The following MOB4 variants were observed in gnomAD, a reference collection of about 807,000 sequenced individuals.
MOB4 encodes MOB-like protein phocein.
Under a neutral mutation model 32.2 loss-of-function variants are expected in MOB4, and 4 were observed. That is an observed-to-expected ratio of 0.12 (90% CI 0.06 to 0.28). The LOEUF (loss-of-function observed/expected upper bound fraction) is 0.28. Among genes scored for constraint, MOB4 ranks in the 10% least tolerant of loss-of-function variants. The pLI, the probability that MOB4 is intolerant of heterozygous loss-of-function variation, is 1.00. For synonymous variants in MOB4, 88 were observed against 88.1 expected (o/e 1.00, Z 0.01); for missense variants, 158 against 271.2 (o/e 0.58, Z 2.93).
At chr2:197,515,852 C>T (rs1174599252), upstream of MOB4, 2 of 539,324 alleles carry the variant, frequency 3.7e-6, no homozygotes, top group Non-Finnish European at 6.5e-6. Context: ...GTGGCGCCCG[C>T]CTTCCGGTGC....
intron 2 of MOB4, among the ~76,000 whole-genome samples, chr2:197,524,191 G>A (rs375023079): frequency 6.6e-5 from 10 of 152,222 alleles, no homozygotes; most frequent in African/African-American, 2.4e-4. Flanking sequence ...CTATGATTGT[G>A]CCACTGTACT....
At chr2:197,515,745 AGCCCATACC>A, upstream of MOB4, 1 of 349,298 alleles carries the variant, frequency 2.9e-6, no homozygotes, top group South Asian at 3.7e-5. Flanking sequence ...AACTAACGAG[AGCCCATACC>A]AACGTGCAAC....
chr2:197,537,202 T>G (rs973257915), intron 3 of MOB4, among the ~76,000 whole-genome samples: 1 of 152,238 alleles, frequency 6.6e-6, no homozygotes, highest in Admixed American at 6.5e-5. Context: ...TAATGCCCTT[T>G]GAATGAAAAA....
chr2:197,518,934 A>G (rs2086466171), intron 1 of MOB4, among the ~76,000 whole-genome samples: 2 of 150,010 alleles, frequency 1.3e-5, no homozygotes, highest in Non-Finnish European at 3.0e-5. Flanking sequence ...TTTTTTTTGT[A>G]TTTTTAGTAG....
rs895870929 is a variant in MOB4 at position 197,551,666 on chromosome 2, T to G, written c.*1020T>G. On this transcript the variant is annotated 3_prime_UTR_variant, in exon 8 of 8. Transcript: ENST00000323303. Reference sequence around the variant, plus strand: ...ATTGAAGAAATACCATAGTATTTATTTTACACCCCCTCTCCCACGAAGTTT... The same window carrying G: ...ATTGAAGAAATACCATAGTATTTATGTTACACCCCCTCTCCCACGAAGTTT... The G allele has an allele frequency of 3.9e-5, 6 of 152,756 alleles. No homozygotes were observed. The highest frequency in any genetic ancestry group is 1.4e-4 in the African/African-American group (6 of 41,460). 9.5% of individuals were successfully genotyped at this position (152,756 alleles called of 1,614,324 possible).
intron 1 of MOB4, among the ~76,000 whole-genome samples, chr2:197,518,399 A>G (rs981917256): frequency 1.3e-5 from 2 of 151,918 alleles, no homozygotes; most frequent in Admixed American, 6.6e-5. Context: ...CCTCCCGAGT[A>G]GCTGGGATTA....
At chr2:197,544,832 G>A (rs1410353543) in intron 5 of MOB4, among the ~76,000 whole-genome samples, 1 of 151,566 alleles carries the variant, frequency 6.6e-6, no homozygotes, top group Non-Finnish European at 1.5e-5. Context: ...TAAGAAAAAA[G>A]CATCAAAACC....
At chr2:197,539,967 G>GCTT in intron 3 of MOB4, 144 bp from the exon 4 acceptor site, 2 of 751,788 alleles carry the variant, frequency 2.7e-6, no homozygotes, top group South Asian at 6.8e-5. Flanking sequence ...TAGAAGAAAT[G>GCTT]TGTCATTGTC....
intron 5 of MOB4, among the ~76,000 whole-genome samples, chr2:197,546,679 C>T (rs186649145): frequency 1.3e-5 from 2 of 152,266 alleles, no homozygotes; most frequent in East Asian, 3.9e-4. Context: ...GAATTACAGG[C>T]GTGAGCCACC....
chr2:197,519,730 T>A (rs2086480827), intron 1 of MOB4, among the ~76,000 whole-genome samples: 1 of 152,320 alleles, frequency 6.6e-6, no homozygotes, highest in South Asian at 2.1e-4. Flanking sequence ...AGATTAAACC[T>A]GCAGATATGG....
At chr2:197,527,213 C>G (rs1040665978) in intron 2 of MOB4, among the ~76,000 whole-genome samples, 8 of 152,060 alleles carry the variant, frequency 5.3e-5, no homozygotes, top group Non-Finnish European at 1.2e-4. Flanking sequence ...GAGATTGCCT[C>G]GTATCTCTAG....
intron 5 of MOB4, among the ~76,000 whole-genome samples, chr2:197,546,916 A>G (rs1272112752): frequency 6.6e-6 from 1 of 152,094 alleles, no homozygotes; most frequent in African/African-American, 2.4e-5. Flanking sequence ...TATATAGTGT[A>G]TTGCAATGAA....
intron 4 of MOB4, 41 bp downstream of exon 4, chr2:197,540,194 G>C: frequency 6.3e-7 from 1 of 1,587,232 alleles, no homozygotes; most frequent in South Asian, 1.2e-5. Context: ...TGAAAGTTCT[G>C]ATTTTTTTTT....
At chr2:197,543,963 C>T (rs2086944475) in intron 5 of MOB4, among the ~76,000 whole-genome samples, 1 of 152,064 alleles carries the variant, frequency 6.6e-6, no homozygotes, top group Non-Finnish European at 1.5e-5. Flanking sequence ...TGGCCTCGAA[C>T]TCCTGACCTC....
chr2:197,529,662 T>G (rs1011201369), intron 2 of MOB4, among the ~76,000 whole-genome samples: 8 of 151,846 alleles, frequency 5.3e-5, no homozygotes. Flanking sequence ...TTATTTTTAT[T>G]TATTTATTTT....
intron 3 of MOB4, among the ~76,000 whole-genome samples, chr2:197,537,811 C>T (rs1028478007): frequency 2.0e-5 from 3 of 152,098 alleles, no homozygotes; most frequent in South Asian, 2.1e-4. Context: ...TCTCGAGTCT[C>T]GCTTTGTCAC....
chr2:197,548,477 T>G, intron 6 of MOB4, 62 bp downstream of exon 6: 1 of 243,414 alleles, frequency 4.1e-6, no homozygotes, highest in Non-Finnish European at 6.8e-6. Context: ...GATTGGTATT[T>G]TAGGGGGGAG....
intron 1 of MOB4, among the ~76,000 whole-genome samples, chr2:197,520,184 C>CTTT (rs765434673): frequency 7.1e-6 from 1 of 141,314 alleles, no homozygotes; most frequent in African/African-American, 2.6e-5. Context: ...TGCACTTAAA[C>CTTT]TTTTTTTTTT....
intron 2 of MOB4, among the ~76,000 whole-genome samples, chr2:197,531,136 C>G (rs1031827308): frequency 6.6e-6 from 1 of 151,030 alleles, no homozygotes; most frequent in Non-Finnish European, 1.5e-5. Context: ...CAAGCTCCGC[C>G]TCCCAGGTTC....
Sources: allele counts gnomAD v4.1 joint callset (sites outside exome capture counted in the v4.1 genomes callset), GRCh38; gene constraint gnomAD v4.1.1; transcripts MANE v1.5; gene names NCBI Gene and HGNC (gene_info 2026-07-23, HGNC 2026-07-21).